MAP3K10: variants seen among roughly 807,000 people sequenced by gnomAD.
The protein encoded by MAP3K10 is mitogen-activated protein kinase kinase kinase 10, also known as MKN28 derived nonreceptor_type serine/threonine kinase.
Under a neutral mutation model 75.0 loss-of-function variants are expected in MAP3K10, and 22 were observed. That is an observed-to-expected ratio of 0.29 (90% confidence interval 0.21 to 0.42). MAP3K10 has a LOEUF of 0.42. MAP3K10 is among the 10% of genes least tolerant of loss of function. The pLI, the probability that MAP3K10 is intolerant of heterozygous loss-of-function variation, is 1.00. For missense variants in MAP3K10, 1,165 were observed against 1,379.8 expected (o/e 0.84, Z 2.47); for synonymous variants, 599 against 612.9 (o/e 0.98, Z 0.34).
chr19:40,198,680 C>T lies in MAP3K10; in HGVS notation c.863+125C>T. 1 of 969,436 alleles carries T rather than the reference C, an allele frequency of 1.0e-6. No individual in the cohort carries two copies. The highest frequency in any genetic ancestry group is 1.5e-6 in the Non-Finnish European group (1 of 666,084). 60.1% of individuals were successfully genotyped at this position (969,436 alleles called of 1,614,324 possible). On this transcript the variant is annotated intron_variant, in intron 2 of 9. Transcript: ENST00000253055. The surrounding 1 kb of genome is among the most constrained non-coding windows in gnomAD (Gnocchi z 4.3). ...TCAGTCTGACAAAGGGACCTGCTGG[C>T]AAGGTCAGGCCACCAGACAAGTGCC... is the stretch of plus-strand genomic sequence containing the variant.
intron 9 of MAP3K10, among the ~76,000 whole-genome samples, 171 bp downstream of exon 9, chr19:40,214,392 C>T (rs1973310870): frequency 6.6e-6 from 1 of 152,156 alleles, no homozygotes; most frequent in African/African-American, 2.4e-5. Flanking sequence ...CGGGGGTCTC[C>T]AGGGGACTGA....
chr19:40,203,071 G>A (rs1224280802), intron 2 of MAP3K10, among the ~76,000 whole-genome samples: 2 of 152,228 alleles, frequency 1.3e-5, no homozygotes, highest in African/African-American at 4.8e-5. Context: ...GCCGGGCGCA[G>A]TGGCTCATGC....
rs748219350 is a variant in MAP3K10, at chr19:40,212,945, C to G, written c.1693C>G (p.Leu565Val). Reference protein sequence around the residue: ...KGRTWGPSSTLQKERVGGEER... With the variant: ...KGRTWGPSSTVQKERVGGEER... ...ACGAACGTGGGGGCCCAGCTCCACC[C>G]TGCAGAAGGAGCGGGTGGGAGGAGA... Residue 565 changes from leucine to valine, a missense_variant, in exon 7 of 10, where the codon CTG becomes GTG. Physicochemically the swap from Leu to Val is conservative, Grantham distance 32. Transcript: ENST00000253055. This position sits in a 1 kb window ranked among gnomAD's most constrained non-coding sequence, Gnocchi z 4.2. 1.4e-5 allele frequency: 23 copies of G among 1,610,630 alleles called. No individual in the cohort carries two copies. The highest frequency in any genetic ancestry group is 1.9e-5 in the Non-Finnish European group (22 of 1,178,364).
chr19:40,213,491 G>A lies in MAP3K10; in HGVS notation c.1838-26G>A, dbSNP rs753768542. Reference sequence around the variant, plus strand: ...GTGGGGCCCTGGCCAGCCCTGCAGCGGAGTGATGGCCCTCTCCGGTTGCAG... The same window carrying A: ...GTGGGGCCCTGGCCAGCCCTGCAGCAGAGTGATGGCCCTCTCCGGTTGCAG... On this transcript the variant is annotated intron_variant, in intron 8 of 9. Coordinates refer to ENST00000253055, the MANE Select transcript of MAP3K10 (RefSeq NM_002446.4). The surrounding 1 kb of genome is among the most constrained non-coding windows in gnomAD (Gnocchi z 5.7). 32 of 1,608,408 alleles carry A rather than the reference G, an allele frequency of 2.0e-5. No individual in the cohort carries two copies. The highest frequency in any genetic ancestry group is 3.3e-4 in the Middle Eastern group (2 of 6,064).
At position 40,207,751 on chromosome 19, in the gene MAP3K10, T is replaced by A. The variant is rs116171503; in HGVS notation, c.1436-1352T>A. Among the ~76,000 whole-genome samples, 1,043 of 152,204 alleles carry A rather than the reference T, an allele frequency of 6.9e-3. 13 individuals carry two copies. The highest frequency in any genetic ancestry group is 0.024 in the African/African-American group (979 of 41,510). ...ACTCCATCTCAAAAAATATATATAT[T>A]TTTTAATTTAGCCCAATATATCCAT... On this transcript the variant is annotated intron_variant, in intron 5 of 9. Transcript: ENST00000253055.
chr19:40,205,437 A>T lies in MAP3K10; in HGVS notation c.1188+141A>T, dbSNP rs1444114209. On this transcript the variant is annotated intron_variant, in intron 4 of 9. Transcript: ENST00000253055. This position sits in a 1 kb window ranked among gnomAD's most constrained non-coding sequence, Gnocchi z 4.3. ...GGAGCCTTTTTTGCATATTAAGAAA[A>T]GACAGCCTCCTGTTGGTGGATTAAT... 2.5e-6 allele frequency: 2 copies of T among 805,302 alleles called. No individual in the cohort carries two copies. The highest frequency in any genetic ancestry group is 3.5e-5 in the African/African-American group (2 of 57,748). The allele number at this position is 805,302 out of a possible 1,614,324, so 49.9% of individuals were successfully genotyped here. A position where few individuals can be genotyped will look rare whatever the true frequency, so the allele number is the denominator to read the frequency against.
intron 2 of MAP3K10, among the ~76,000 whole-genome samples, chr19:40,200,596 C>A (rs1048430243): frequency 7.1e-6 from 1 of 140,146 alleles, no homozygotes; most frequent in Non-Finnish European, 1.5e-5. Flanking sequence ...GTACATCAGG[C>A]GTTCATTTGT....
At position 40,204,723 on chromosome 19, in the gene MAP3K10, C is replaced by T. The variant is rs1973084703; in HGVS notation, c.1012+90C>T. On this transcript the variant is annotated intron_variant, in intron 3 of 9. Transcript: ENST00000253055. This position sits in a 1 kb window ranked among gnomAD's most constrained non-coding sequence, Gnocchi z 4.3. ...CCTTTCCCCTTCACACCTATCCATA[C>T]CAGTGGGCCCAGGAGTGAGGAAGAA... 9 of 1,445,448 alleles carry T rather than the reference C, an allele frequency of 6.2e-6. 1 individual carries two copies. The South Asian group carries it at 1.0e-4, about 16-fold the overall frequency. 89.5% of individuals were successfully genotyped at this position (1,445,448 alleles called of 1,614,324 possible).
chr19:40,209,907 G>A (rs1161886436), intron 6 of MAP3K10, among the ~76,000 whole-genome samples: 1 of 152,082 alleles, frequency 6.6e-6, no homozygotes, highest in Non-Finnish European at 1.5e-5. Context: ...TGAAGTGGGA[G>A]GATTGCTTGA....
rs376827274 is a variant in MAP3K10, at chr19:40,205,922, C to A, written c.1200C>A (p.Ser400Arg). The A allele has an allele frequency of 3.2e-6, 5 of 1,567,338 alleles. No individual in the cohort carries two copies. The highest frequency in any genetic ancestry group is 3.5e-6 in the Non-Finnish European group (4 of 1,154,376). Residue 400 changes from serine to arginine, a missense_variant, in exon 5 of 10, where the codon AGC (serine) becomes AGA (arginine). This residue lies in a region of MAP3K10 where 575 missense variants were observed against 793.2 expected (regional missense o/e 0.72). Coordinates refer to ENST00000253055, the MANE Select transcript of MAP3K10 (RefSeq NM_002446.4). The surrounding 1 kb of genome is among the most constrained non-coding windows in gnomAD (Gnocchi z 4.3). ...DLRTKEKELR[S>R]REEELLRAAQ... is the part of the protein sequence containing the mutation. ...CCTCTCCTTCCCAGGAGCTTCGGAG[C>A]CGTGAGGAGGAGCTGCTGCGGGCGG...
At position 40,205,589 on chromosome 19, in the gene MAP3K10, G is replaced by A. The variant is rs574805546; in HGVS notation, c.1188+293G>A. The A allele has an allele frequency of 4.3e-5, 23 of 536,000 alleles. No individual in the cohort carries two copies. The highest frequency in any genetic ancestry group is 1.5e-4 in the South Asian group (5 of 34,388). 33.2% of individuals were successfully genotyped at this position (536,000 alleles called of 1,614,324 possible). Reference sequence around the variant, plus strand: ...AGAGAAGGACGGGGATACAAGATTCGCAAAGCATAGGTAATTGTTGAAATT... The same window carrying A: ...AGAGAAGGACGGGGATACAAGATTCACAAAGCATAGGTAATTGTTGAAATT... On this transcript the variant is annotated intron_variant, in intron 4 of 9. Coordinates refer to ENST00000253055, the MANE Select transcript of MAP3K10 (RefSeq NM_002446.4). The surrounding 1 kb of genome is among the most constrained non-coding windows in gnomAD (Gnocchi z 4.3).
intron 5 of MAP3K10, 77 bp from the exon 6 acceptor site, chr19:40,209,026 C>G: frequency 3.8e-6 from 4 of 1,042,680 alleles, no homozygotes; most frequent in Non-Finnish European, 4.5e-6. Context: ...AATTCCTTCT[C>G]TACTTCTACA....
In MAP3K10 at chr19:40,213,373, C is replaced by T; in HGVS notation, c.1838-144C>T. The T allele has an allele frequency of 6.8e-7, 1 of 1,463,966 alleles. No homozygotes were observed. 90.7% of individuals were successfully genotyped at this position (1,463,966 alleles called of 1,614,324 possible). ...GGGCAGGGACCACCCTTCTCTGAGG[C>T]TTCTCCTGGAGACAGATTCAAGAAC... On this transcript the variant is annotated intron_variant, in intron 8 of 9. Transcript: ENST00000253055. This position sits in a 1 kb window ranked among gnomAD's most constrained non-coding sequence, Gnocchi z 5.7.
Position 40,213,556 on chromosome 19 carries a change from C to T in MAP3K10, c.1877C>T (p.Pro626Leu). The T allele has an allele frequency of 1.9e-6, 3 of 1,611,792 alleles. No individual in the cohort carries two copies. The highest frequency in any genetic ancestry group is 2.5e-6 in the Non-Finnish European group (3 of 1,179,322). ...AEAEDGGSSVPPSPYSTPSYL... is the reference protein window; with the variant it reads ...AEAEDGGSSVLPSPYSTPSYL... ...GCAGAGGATGGAGGCAGCAGCGTGC[C>T]CCCTTCCCCCTACTCGACCCCGTCC... The change falls in exon 9 of 10, where the codon CCC becomes CTC. Residue 626 changes from proline to leucine, a missense_variant. Transcript: ENST00000253055. The surrounding 1 kb of genome is among the most constrained non-coding windows in gnomAD (Gnocchi z 5.7).
chr19:40,205,174 C>T lies in MAP3K10; in HGVS notation c.1066C>T (p.Arg356Trp), dbSNP rs748636182. The change falls in exon 4 of 10, where the codon CGG (arginine) becomes TGG (tryptophan). Residue 356 changes from arginine to tryptophan, a missense_variant. Around this residue, in one of 2 missense-constraint regions of MAP3K10, gnomAD observed 575 missense variants for 793.2 expected, o/e 0.72. Coordinates refer to ENST00000253055, the MANE Select transcript of MAP3K10 (RefSeq NM_002446.4). This position sits in a 1 kb window ranked among gnomAD's most constrained non-coding sequence, Gnocchi z 4.3. Reference protein sequence around the residue: ...GRPDFGSILKRLEVIEQSALF... With the variant: ...GRPDFGSILKWLEVIEQSALF... ...GCCAGATTTCGGTAGCATCTTGAAG[C>T]GGCTTGAAGTCATCGAACAGTCAGC... The T allele has an allele frequency of 4.3e-6, 7 of 1,614,022 alleles. No individual in the cohort carries two copies. The highest frequency in any genetic ancestry group is 2.2e-5 in the East Asian group (1 of 44,884).
chr19:40,209,643 G>T (rs1973197608), intron 6 of MAP3K10, among the ~76,000 whole-genome samples: 1 of 151,840 alleles, frequency 6.6e-6, no homozygotes, highest in Non-Finnish European at 1.5e-5. Context: ...TCGAACTCCT[G>T]ACCTCAAGTG....
Position 40,198,300 on chromosome 19 carries a change from G to A in MAP3K10, c.683-75G>A. 1 of 1,408,932 alleles carries A rather than the reference G, an allele frequency of 7.1e-7. No homozygotes were observed. The highest frequency in any genetic ancestry group is 9.7e-7 in the Non-Finnish European group (1 of 1,030,464). The allele number at this position is 1,408,932 out of a possible 1,614,324, so 87.3% of individuals were successfully genotyped here. On this transcript the variant is annotated intron_variant, in intron 1 of 9. Transcript: ENST00000253055. The surrounding 1 kb of genome is among the most constrained non-coding windows in gnomAD (Gnocchi z 4.3). The stretch of plus-strand genomic sequence containing the variant: ...TGAGAGGAAAGACGTGTTTCTAGCT[G>A]AGGCAGCGGGCCAGAACACTTGGGT...
In MAP3K10 at chr19:40,205,946, G is replaced by A. The variant is rs756502610; in HGVS notation, c.1224G>A (p.Ala408=). 4.4e-6 allele frequency: 7 copies of A among 1,596,798 alleles called. No homozygotes were observed. Among genetic ancestry groups the A allele is most frequent in the African/African-American group, 1.3e-5 (1 of 74,614 alleles). Reference sequence around the variant, plus strand: ...GCCGTGAGGAGGAGCTGCTGCGGGCGGCACAGGAGCAGCGCTTCCAGGAGG... The same window carrying A: ...GCCGTGAGGAGGAGCTGCTGCGGGCAGCACAGGAGCAGCGCTTCCAGGAGG... ...LRSREEELLR[A]AQEQRFQEEQ... is the part of the protein sequence containing the mutation. Residue 408 remains alanine, a synonymous_variant, in exon 5 of 10, where the codon GCG becomes GCA. Transcript: ENST00000253055. This position sits in a 1 kb window ranked among gnomAD's most constrained non-coding sequence, Gnocchi z 4.3.
intron 6 of MAP3K10, among the ~76,000 whole-genome samples, chr19:40,209,709 C>T (rs1448387825): frequency 1.3e-5 from 2 of 151,842 alleles, no homozygotes; most frequent in Non-Finnish European, 2.9e-5. Context: ...CCACCGCGCC[C>T]GGGCGCAGGA....
Sources: allele counts gnomAD v4.1 joint callset (sites outside exome capture counted in the v4.1 genomes callset), GRCh38; gene constraint gnomAD v4.1.1; regional missense constraint gnomAD v4.1.1; non-coding constraint Gnocchi (gnomAD v3.1); transcripts MANE v1.5; gene names NCBI Gene and HGNC (gene_info 2026-07-23, HGNC 2026-07-21).